KIF19: variants seen among roughly 807,000 people sequenced by gnomAD.
KIF19 encodes kinesin family member 19.
Under a neutral mutation model 106.6 loss-of-function variants are expected in KIF19, and 98 were observed. The observed-to-expected ratio is 0.92, with a 90% CI of 0.78 to 1.09. The LOEUF (loss-of-function observed/expected upper bound fraction) is 1.09, where lower values mean the gene tolerates loss of function less well. KIF19 is among the 50% of genes least tolerant of loss of function. The pLI is 0.00. For synonymous variants in KIF19, 516 were observed against 584.2 expected (o/e 0.88, Z 1.68); for missense variants, 1,373 against 1,414.3 (o/e 0.97, Z 0.47).
intron 2 of KIF19, among the ~76,000 whole-genome samples, chr17:74,338,863 T>C (rs2054285177): frequency 2.0e-5 from 3 of 151,866 alleles, no homozygotes; most frequent in Non-Finnish European, 2.9e-5. Context: ...TGCTGCCTGC[T>C]GCCCCCTCAC....
At chr17:74,335,785 G>A (rs2054204263) in intron 2 of KIF19, among the ~76,000 whole-genome samples, 1 of 152,282 alleles carries the variant, frequency 6.6e-6, no homozygotes, top group South Asian at 2.1e-4. Context: ...GCATGAGAAT[G>A]CATTCCCCGG....
intron 5 of KIF19, among the ~76,000 whole-genome samples, chr17:74,343,594 A>G (rs2054445601): frequency 6.6e-6 from 1 of 152,210 alleles, no homozygotes; most frequent in African/African-American, 2.4e-5. Flanking sequence ...TGCTATCACC[A>G]GACAGTGATG....
At position 74,353,477 on chromosome 17, in the gene KIF19, A is replaced by G; in HGVS notation, c.2221-17A>G. 1.2e-6 allele frequency: 2 copies of G among 1,612,198 alleles called. No homozygotes were observed. Among genetic ancestry groups the G allele is most frequent in the Non-Finnish European group, 1.7e-6 (2 of 1,178,610 alleles). On this transcript the variant is annotated splice_polypyrimidine_tract_variant and intron_variant, in intron 16 of 19. Transcript: ENST00000389916. The stretch of plus-strand genomic sequence containing the variant: ...TGTGTTTAAGGGTTTCCTCCTCCCA[A>G]CCACTCCACCCCACAGGCCCCGGCT...
chr17:74,341,852 G>A (rs2054381621), intron 2 of KIF19, 24 bp from the exon 3 acceptor site: 2 of 1,576,686 alleles, frequency 1.3e-6, no homozygotes, highest in South Asian at 2.2e-5. Context: ...GGTGACCGTG[G>A]GCCTCCCTCT....
chr17:74,344,562 C>T (rs2054475312), intron 6 of KIF19, among the ~76,000 whole-genome samples, 199 bp from the exon 7 acceptor site: 3 of 152,238 alleles, frequency 2.0e-5, no homozygotes, highest in African/African-American at 7.2e-5. Flanking sequence ...CACTGCCTCT[C>T]CATTTACACA....
rs2144295969 is a variant in KIF19, at chr17:74,352,208, T to C, written c.1859-11T>C. On this transcript the variant is annotated splice_polypyrimidine_tract_variant and intron_variant, in intron 13 of 19. Coordinates refer to ENST00000389916, the MANE Select transcript of KIF19 (RefSeq NM_153209.4). ...GCTGGCACTCACTGAGCCCTGCCCC[T>C]TCCCCAGCAGACTACAACCTGGCCG... The C allele has an allele frequency of 1.9e-6, 3 of 1,608,778 alleles. No individual in the cohort carries two copies. The highest frequency in any genetic ancestry group is 1.7e-4 in the Middle Eastern group (1 of 6,042).
intron 2 of KIF19, among the ~76,000 whole-genome samples, chr17:74,336,868 C>T (rs2054230866): frequency 6.6e-6 from 1 of 152,178 alleles, no homozygotes; most frequent in African/African-American, 2.4e-5. Context: ...CTCTGTCACC[C>T]AGGCTGGAGT....
At chr17:74,344,073 C>T in intron 5 of KIF19, 150 bp from the exon 6 acceptor site, 1 of 688,222 alleles carries the variant, frequency 1.5e-6, no homozygotes, top group Non-Finnish European at 2.3e-6. Flanking sequence ...GGCCTTTCCT[C>T]CTAATCAGGG....
intron 2 of KIF19, 170 bp downstream of exon 2, chr17:74,328,675 C>G (rs1277845947): frequency 3.4e-6 from 2 of 585,080 alleles, no homozygotes; most frequent in Admixed American, 3.1e-5. Flanking sequence ...GGGGGCTCTT[C>G]TTCCAGGAAG....
chr17:74,351,784 G>C, intron 12 of KIF19, 83 bp from the exon 13 acceptor site: 4 of 1,340,976 alleles, frequency 3.0e-6, no homozygotes, highest in Non-Finnish European at 3.8e-6. Flanking sequence ...CTGGAGTCCA[G>C]GCGCTGGAGG....
chr17:74,328,462 TGGAG>T lies in KIF19; in HGVS notation c.79_82del (p.Glu27LysfsTer130). On this transcript the variant is annotated frameshift_variant, in exon 2 of 20. Transcript: ENST00000389916. LOFTEE classifies it high-confidence loss of function. ...GTCCGGCCCATCAGCGTGGCAGAGC[TGGAG>T]GAAGGAGCTACCCTCATCGCCCATA... is the stretch of plus-strand genomic sequence containing the variant. 6.2e-7 allele frequency: 1 copy of T among 1,611,458 alleles called. No homozygotes were observed. Among genetic ancestry groups the T allele is most frequent in the East Asian group, 2.2e-5 (1 of 44,816 alleles).
chr17:74,353,234 G>A lies in KIF19; in HGVS notation c.2153G>A (p.Trp718Ter), dbSNP rs761835303. Residue 718 changes from tryptophan to a stop codon, truncating the protein, a stop_gained, in exon 16 of 20, where the codon TGG becomes TAG. Transcript: ENST00000389916. LOFTEE classifies it high-confidence loss of function. ...GTGTTCAAGGCTGGTACTGGGGCCTGGCAGGCAAAAAGCTCCTCTGTGCCC... is the reference window on the plus strand; with the variant it reads ...GTGTTCAAGGCTGGTACTGGGGCCTAGCAGGCAAAAAGCTCCTCTGTGCCC... Reference protein sequence around the residue: ...HHVFKAGTGAWQAKSSSVPTP... With the variant: ...HHVFKAGTGA The A allele has an allele frequency of 3.8e-6, 6 of 1,588,784 alleles. No individual in the cohort carries two copies. The highest frequency in any genetic ancestry group is 5.1e-6 in the Non-Finnish European group (6 of 1,168,048).
Position 74,354,154 on chromosome 17 carries a change from C to T in KIF19, c.2309-8C>T, listed in dbSNP as rs115054534. 1,957 of 1,598,478 alleles carry T rather than the reference C, an allele frequency of 1.2e-3. 20 individuals are homozygous for T. The African/African-American group carries it at 0.022, about 18-fold the overall frequency. ...CTCGGGTTGTATGTTCCCCGTGTCCCGCTGCAGAGAGGAAGGAGATCCTGA... is the reference window on the plus strand; with the variant it reads ...CTCGGGTTGTATGTTCCCCGTGTCCTGCTGCAGAGAGGAAGGAGATCCTGA... On this transcript the variant is annotated splice_region_variant and splice_polypyrimidine_tract_variant and intron_variant, in intron 17 of 19. Transcript: ENST00000389916.
intron 6 of KIF19, 115 bp downstream of exon 6, chr17:74,344,463 G>A: frequency 1.4e-6 from 2 of 1,467,024 alleles, no homozygotes; most frequent in Non-Finnish European, 1.8e-6. Context: ...GGCTGGGACA[G>A]ACAGGAGAAT....
At chr17:74,341,109 C>T (rs997667781) in intron 2 of KIF19, among the ~76,000 whole-genome samples, 9 of 152,046 alleles carry the variant, frequency 5.9e-5, no homozygotes, top group African/African-American at 2.2e-4. Context: ...CCGAGGCTGG[C>T]GGGTCACTTG....
In KIF19 at chr17:74,346,139, G is replaced by A. The variant is rs2054524417; in HGVS notation, c.778-239G>A. On this transcript the variant is annotated intron_variant, in intron 7 of 19. Transcript: ENST00000389916. This position sits in a 1 kb window ranked among gnomAD's most constrained non-coding sequence, Gnocchi z 4.6. ...CAGGCCGTGCCACGGCACCTGCCCT[G>A]AGGAGAACCGGCCATCTCAGCCCTC... Among the ~76,000 whole-genome samples the A allele has an allele frequency of 6.6e-6, 1 of 152,216 alleles. No individual in the cohort carries two copies. Among genetic ancestry groups the A allele is most frequent in the South Asian group, 2.1e-4 (1 of 4,834 alleles).
intron 14 of KIF19, 145 bp from the exon 15 acceptor site, chr17:74,352,676 G>T: frequency 9.8e-7 from 1 of 1,017,868 alleles, no homozygotes; most frequent in Non-Finnish European, 1.5e-6. Flanking sequence ...GCTTAACCCC[G>T]AGGACCCAAA....
chr17:74,340,001 C>A (rs144790415), intron 2 of KIF19, among the ~76,000 whole-genome samples: 5 of 152,154 alleles, frequency 3.3e-5, no homozygotes, highest in Non-Finnish European at 7.4e-5. Context: ...CTTAACAGCC[C>A]GTTGAACAAA....
At position 74,346,910 on chromosome 17, in the gene KIF19, G is replaced by A. The variant is rs9783802; in HGVS notation, c.924+386G>A. Among the ~76,000 whole-genome samples the A allele has an allele frequency of 0.1, 15,648 of 152,120 alleles. 907 individuals are homozygous for A. Among genetic ancestry groups the A allele is most frequent in the Admixed American group, 0.13 (2,028 of 15,280 alleles). ...TGGGGGTGGCCTCCTTTGTGCAGGG[G>A]TGTCCTTGGCCTTAAATTATAGCAG... is the stretch of plus-strand genomic sequence containing the variant. On this transcript the variant is annotated intron_variant, in intron 8 of 19. Transcript: ENST00000389916. This position sits in a 1 kb window ranked among gnomAD's most constrained non-coding sequence, Gnocchi z 4.6.
Sources: allele counts gnomAD v4.1 joint callset (sites outside exome capture counted in the v4.1 genomes callset), GRCh38; gene constraint gnomAD v4.1.1; non-coding constraint Gnocchi (gnomAD v3.1); transcripts MANE v1.5; gene names NCBI Gene and HGNC (gene_info 2026-07-23, HGNC 2026-07-21).